Variants in ANGPT1 observed in about 807,000 individuals in gnomAD.
ANGPT1 encodes the protein angiopoietin 1.
ANGPT1 carries 17 observed loss-of-function variants against 62.2 expected under a neutral mutation model. The ratio of observed to expected loss-of-function variants is 0.27; its 90% CI spans 0.19 to 0.41. The LOEUF (loss-of-function observed/expected upper bound fraction) is 0.41. Among genes scored for constraint, ANGPT1 ranks in the 10% least tolerant of loss-of-function variants. The probability of loss-of-function intolerance (pLI) is 1.00; values close to 1 mark genes in which losing one functional copy is unlikely to be tolerated. For missense variants in ANGPT1, 478 were observed against 594.9 expected (o/e 0.80, Z 2.04); for synonymous variants, 199 against 198.9 (o/e 1.00, Z 0.00).
At chr8:107,386,799 C>T (rs147398929) in intron 1 of ANGPT1, among the ~76,000 whole-genome samples, 4 of 152,142 alleles carry the variant, frequency 2.6e-5, no homozygotes, top group African/African-American at 7.2e-5. Context: ...AACACAGTCT[C>T]GAAGTCAGTA....
At chr8:107,347,634 T>G (rs1428797459) in intron 1 of ANGPT1, among the ~76,000 whole-genome samples, 4 of 151,952 alleles carry the variant, frequency 2.6e-5, no homozygotes, top group Non-Finnish European at 4.4e-5. Context: ...TTTGGGGAAA[T>G]GGGATGAGGA....
chr8:107,392,969 C>G (rs955630314), intron 1 of ANGPT1, among the ~76,000 whole-genome samples: 3 of 152,212 alleles, frequency 2.0e-5, no homozygotes, highest in Admixed American at 6.5e-5. Flanking sequence ...TGAAGCCAAA[C>G]TATATTGTTT....
intron 8 of ANGPT1, among the ~76,000 whole-genome samples, chr8:107,259,962 G>T (rs963026201): frequency 6.6e-6 from 1 of 151,982 alleles, no homozygotes; most frequent in African/African-American, 2.4e-5. Context: ...CATTGAATGA[G>T]ATTTCATTTT....
chr8:107,367,451 G>T (rs1816298776), intron 1 of ANGPT1, among the ~76,000 whole-genome samples: 1 of 152,086 alleles, frequency 6.6e-6, no homozygotes, highest in Non-Finnish European at 1.5e-5. Flanking sequence ...GATTGCTAAA[G>T]GTTGGAGTGG....
At chr8:107,383,052 T>G (rs945647111) in intron 1 of ANGPT1, among the ~76,000 whole-genome samples, 8 of 152,160 alleles carry the variant, frequency 5.3e-5, no homozygotes, top group Admixed American at 3.9e-4. Context: ...GTCCATGTCA[T>G]CTGGAAACTT....
At chr8:107,318,777 G>T (rs897197369) in intron 4 of ANGPT1, among the ~76,000 whole-genome samples, 1 of 152,020 alleles carries the variant, frequency 6.6e-6, no homozygotes, top group African/African-American at 2.4e-5. Flanking sequence ...ACTGCAGAAT[G>T]ATCAAGCTAA....
In ANGPT1 at chr8:107,378,929, CAT is replaced by C. The variant is rs1174475076; in HGVS notation, c.298-31834_298-31833del. 3.7e-4 allele frequency among the ~76,000 whole-genome samples: 17 copies of C among 45,658 alleles called. No homozygotes were observed. In the East Asian group the frequency reaches 0.018, roughly 49 times the overall value. The allele number at this position is 45,658 out of a possible 152,430, so 30.0% of individuals were successfully genotyped here. ...ATGAACAAATATATATATATATACA[CAT>C]ACATATATATATATATACTCTATTA... is the stretch of plus-strand genomic sequence containing the variant. On this transcript the variant is annotated intron_variant, in intron 1 of 8. Transcript: ENST00000517746.
intron 1 of ANGPT1, among the ~76,000 whole-genome samples, chr8:107,352,338 C>T (rs1441106647): frequency 1.3e-5 from 2 of 152,080 alleles, no homozygotes; most frequent in Non-Finnish European, 2.9e-5. Context: ...TATGAAAAGT[C>T]TTAGTATTAA....
At chr8:107,495,548 G>A (rs1203798068) in intron 1 of ANGPT1, among the ~76,000 whole-genome samples, 2 of 152,092 alleles carry the variant, frequency 1.3e-5, no homozygotes. Flanking sequence ...GTGATTATAC[G>A]CTTTAAGCAA....
At chr8:107,439,622 TTACA>T (rs1408185492) in intron 1 of ANGPT1, among the ~76,000 whole-genome samples, 1 of 152,200 alleles carries the variant, frequency 6.6e-6, no homozygotes, top group Admixed American at 6.5e-5. Flanking sequence ...GAGACAGAAC[TTACA>T]TAAGTAAATA....
intron 1 of ANGPT1, among the ~76,000 whole-genome samples, chr8:107,422,731 G>A (rs1316419443): frequency 6.6e-6 from 1 of 152,088 alleles, no homozygotes; most frequent in East Asian, 1.9e-4. Flanking sequence ...TTAGCATTCA[G>A]TCTCATTTAA....
chr8:107,340,660 AT>A (rs34730744), intron 2 of ANGPT1, among the ~76,000 whole-genome samples: 4,030 of 142,660 alleles, frequency 0.028, 70 homozygotes, highest in African/African-American at 0.044. Flanking sequence ...AATTGTTTGT[AT>A]TTTTTTTTTT....
At chr8:107,476,960 T>C (rs1397820793) in intron 1 of ANGPT1, among the ~76,000 whole-genome samples, 1 of 152,132 alleles carries the variant, frequency 6.6e-6, no homozygotes, top group African/African-American at 2.4e-5. Context: ...ATTTCTGTAT[T>C]ACTTTAAGGA....
chr8:107,340,174 T>C lies in ANGPT1; in HGVS notation c.454-3903A>G, dbSNP rs28591093. On this transcript the variant is annotated intron_variant, in intron 2 of 8. Transcript: ENST00000517746. ...GTTCCATTAAAATGACAAAAGACAT[T>C]TCCTTCTTAGCCTAAACACATTCCA... 9.6e-3 allele frequency among the ~76,000 whole-genome samples: 1,458 copies of C among 152,284 alleles called. 24 individuals carry two copies. Among genetic ancestry groups the C allele is most frequent in the African/African-American group, 0.033 (1,352 of 41,550 alleles).
intron 1 of ANGPT1, among the ~76,000 whole-genome samples, chr8:107,487,224 G>A (rs1812836953): frequency 6.6e-6 from 1 of 152,178 alleles, no homozygotes; most frequent in Non-Finnish European, 1.5e-5. Context: ...GAGGATCACA[G>A]GAGACTTTAT....
At chr8:107,414,523 T>C (rs191714866) in intron 1 of ANGPT1, among the ~76,000 whole-genome samples, 4 of 152,242 alleles carry the variant, frequency 2.6e-5, no homozygotes, top group Admixed American at 2.0e-4. Flanking sequence ...GTAAAAGGGA[T>C]TGGAAAATGT....
intron 1 of ANGPT1, among the ~76,000 whole-genome samples, chr8:107,438,007 C>T (rs931353366): frequency 2.0e-5 from 3 of 152,116 alleles, no homozygotes; most frequent in South Asian, 2.1e-4. Context: ...CACACTCTGG[C>T]GTGGAGAAAA....
intron 3 of ANGPT1, among the ~76,000 whole-genome samples, chr8:107,333,969 GA>G (rs1449579880): frequency 8.4e-6 from 1 of 119,640 alleles, no homozygotes; most frequent in African/African-American, 3.4e-5. Context: ...AAGAAAGAAA[GA>G]AAGGAGGGAG....
intron 1 of ANGPT1, among the ~76,000 whole-genome samples, chr8:107,403,935 A>G (rs1817095765): frequency 6.6e-6 from 1 of 152,094 alleles, no homozygotes; most frequent in South Asian, 2.1e-4. Flanking sequence ...GCCACTGGAG[A>G]ATTTTAAAAT....
Sources: allele counts gnomAD v4.1 joint callset (sites outside exome capture counted in the v4.1 genomes callset), GRCh38; gene constraint gnomAD v4.1.1; transcripts MANE v1.5; gene names NCBI Gene and HGNC (gene_info 2026-07-23, HGNC 2026-07-21).